CFAP96: variants seen among roughly 807,000 people sequenced by gnomAD.
CFAP96 encodes the protein cilia and flagella associated protein 96.
At chr4:185,423,000 A>G in the CFAP96 span, among the ~76,000 whole-genome samples, 1 of 152,208 alleles carries the variant, frequency 6.6e-6, no homozygotes, top group Non-Finnish European at 1.5e-5. Flanking sequence ...CTGAGATTAC[A>G]GGCATACACC....
the CFAP96 span, among the ~76,000 whole-genome samples, chr4:185,412,066 T>C: frequency 6.6e-6 from 1 of 151,228 alleles, no homozygotes; most frequent in Non-Finnish European, 1.5e-5. Context: ...CACAGACTGG[T>C]AAAGTTTTGC....
At chr4:185,415,811 T>TA in the CFAP96 span, 1 of 1,613,838 alleles carries the variant, frequency 6.2e-7, no homozygotes, top group Admixed American at 1.7e-5. Context: ...TGATGGGCGT[T>TA]ACAGCTGCCA....
At chr4:185,413,087 T>C in the CFAP96 span, among the ~76,000 whole-genome samples, 1 of 152,144 alleles carries the variant, frequency 6.6e-6, no homozygotes, top group Non-Finnish European at 1.5e-5. Context: ...GGCGGATCAC[T>C]TGAGGTCAGG....
At chr4:185,435,202 T>G in the CFAP96 span, among the ~76,000 whole-genome samples, 2 of 152,236 alleles carry the variant, frequency 1.3e-5, no homozygotes, top group African/African-American at 4.8e-5. Context: ...TTATATAGGT[T>G]CATAAAGAGG....
chr4:185,439,945 CA>C, the CFAP96 span, among the ~76,000 whole-genome samples: 2 of 142,536 alleles, frequency 1.4e-5, no homozygotes, highest in Non-Finnish European at 3.0e-5. Context: ...ATATATGTAT[CA>C]TATATATGAT....
At chr4:185,444,233 G>GT in the CFAP96 span, among the ~76,000 whole-genome samples, 1 of 152,080 alleles carries the variant, frequency 6.6e-6, no homozygotes, top group African/African-American at 2.4e-5. Flanking sequence ...GATTACAGGC[G>GT]TGAGCCACCG....
the CFAP96 span, among the ~76,000 whole-genome samples, chr4:185,438,396 T>G: frequency 6.6e-6 from 1 of 152,234 alleles, no homozygotes; most frequent in African/African-American, 2.4e-5. Context: ...ATATTTTTAA[T>G]TTCATACATT....
chr4:185,439,900 T>C, the CFAP96 span, among the ~76,000 whole-genome samples: 5 of 147,802 alleles, frequency 3.4e-5, no homozygotes, highest in African/African-American at 9.8e-5. Context: ...ATCTCACATA[T>C]ACACATATAT....
At chr4:185,429,856 G>A in the CFAP96 span, among the ~76,000 whole-genome samples, 60 of 151,508 alleles carry the variant, frequency 4.0e-4, no homozygotes, top group African/African-American at 1.5e-3. Flanking sequence ...GGAGTAGGGC[G>A]GGGGAGCTCT....
chr4:185,427,550 A>G, the CFAP96 span, among the ~76,000 whole-genome samples: 2 of 151,968 alleles, frequency 1.3e-5, no homozygotes, highest in African/African-American at 2.4e-5. Flanking sequence ...ACTTGAGGTC[A>G]GGAGTTTGAG....
chr4:185,436,685 C>G, the CFAP96 span, among the ~76,000 whole-genome samples: 38 of 146,974 alleles, frequency 2.6e-4, no homozygotes, highest in African/African-American at 8.2e-4. Context: ...ACTCCAGCCT[C>G]GGTGACAGAA....
At chr4:185,417,140 T>A in the CFAP96 span, among the ~76,000 whole-genome samples, 1 of 152,352 alleles carries the variant, frequency 6.6e-6, no homozygotes, top group African/African-American at 2.4e-5. Context: ...AACTGTCTCT[T>A]TCATACCATG....
the CFAP96 span, among the ~76,000 whole-genome samples, chr4:185,419,274 GGTGCCCGCCACCAC>G: frequency 1.3e-5 from 2 of 152,148 alleles, no homozygotes; most frequent in Admixed American, 1.3e-4. Context: ...TGGGACTACA[GGTGCCCGCCACCAC>G]ACCTGGCTAA....
the CFAP96 span, among the ~76,000 whole-genome samples, chr4:185,435,884 CTT>C: frequency 4.1e-3 from 23 of 5,640 alleles, no homozygotes; most frequent in East Asian, 0.5. Context: ...AAAAACATAT[CTT>C]ATGTCAAAAT....
At chr4:185,430,366 C>G in the CFAP96 span, among the ~76,000 whole-genome samples, 1 of 151,960 alleles carries the variant, frequency 6.6e-6, no homozygotes, top group East Asian at 1.9e-4. Context: ...AAGCAAGGTG[C>G]AGAATAGTCT....
chr4:185,412,387 C>T, the CFAP96 span, among the ~76,000 whole-genome samples: 4 of 152,126 alleles, frequency 2.6e-5, no homozygotes, highest in Non-Finnish European at 5.9e-5. Context: ...TGACCAAGAC[C>T]ACAAGTGGGC....
the CFAP96 span, among the ~76,000 whole-genome samples, chr4:185,418,237 A>C: frequency 6.6e-6 from 1 of 152,178 alleles, no homozygotes; most frequent in Non-Finnish European, 1.5e-5. Flanking sequence ...TTATAAAAAA[A>C]CCCTTTTGAG....
the CFAP96 span, among the ~76,000 whole-genome samples, chr4:185,443,921 CTTTTTTTTTTTTTTTTTTTTTT>C: frequency 0.01 from 833 of 82,702 alleles, 38 homozygotes; most frequent in African/African-American, 0.036. Context: ...CTATATCTTT[CTTTTTTTTTTTTTTTTTTTTTT>C]TTTTTTTTTT....
the CFAP96 span, among the ~76,000 whole-genome samples, chr4:185,434,372 A>T: frequency 1.3e-5 from 1 of 76,930 alleles, no homozygotes; most frequent in African/African-American, 3.6e-5. Context: ...ATATAAATTT[A>T]AAAATGTGAT....
Sources: gnomAD v4.1 joint callset for allele counts (sites outside exome capture counted in the v4.1 genomes callset) on GRCh38, gnomAD v4.1.1 for gene constraint, MANE v1.5 for transcripts, NCBI Gene and HGNC (gene_info 2026-07-23, HGNC 2026-07-21) for gene names.